DLG4: variants seen among roughly 807,000 people sequenced by gnomAD.
The protein encoded by DLG4 is discs large MAGUK scaffold protein 4, also known as disks large homolog 4.
Under a neutral mutation model 93.8 loss-of-function variants are expected in DLG4, and 7 were observed. That is an observed-to-expected ratio of 0.07 (90% CI 0.04 to 0.14). The LOEUF is 0.14. Ranked by LOEUF, DLG4 falls within the 10% of genes least tolerant of loss-of-function variation. The pLI is 1.00. For missense variants in DLG4, 545 were observed against 992.9 expected, an observed-to-expected ratio of 0.55 and a Z score of 6.06; for synonymous variants, 341 against 387.6, an observed-to-expected ratio of 0.88 and a Z score of 1.41.
In DLG4 at chr17:7,203,166, A is replaced by G; in HGVS notation, c.642+27T>C. ...AGTAGGTGAGACCCAAATCTGGGCT[A>G]GAAAATGGGCTAGATGGAGTCCTCA... On this transcript the variant is annotated intron_variant, in intron 7 of 19. Coordinates refer to ENST00000399506, the MANE Select transcript of DLG4 (RefSeq NM_001321075.3). The surrounding 1 kb of genome is among the most constrained non-coding windows in gnomAD (Gnocchi z 7.2). 1 of 1,576,664 alleles carries G rather than the reference A, an allele frequency of 6.3e-7. No individual in the cohort carries two copies. Among genetic ancestry groups the G allele is most frequent in the Non-Finnish European group, 8.7e-7 (1 of 1,153,698 alleles).
rs1002775253 is a variant in DLG4 at position 7,204,951 on chromosome 17, G to A, written c.97-699C>T. 10 of 985,618 alleles carry A rather than the reference G, an allele frequency of 1.0e-5. No homozygotes were observed. The African/African-American group carries it at 1.7e-4, about 17-fold the overall frequency. The allele number at this position is 985,618 out of a possible 1,614,324, so 61.1% of individuals were successfully genotyped here. ...CAAGACCCGGGGAGACCCACCTCCA[G>A]GAGGCCCTGTCGTCAGGACAACAGG... On this transcript the variant is annotated intron_variant, in intron 2 of 19. Transcript: ENST00000399506.
Position 7,193,897 on chromosome 17 carries a change from G to A in DLG4, c.1516-26C>T, listed in dbSNP as rs1002079787. On this transcript the variant is annotated intron_variant, in intron 13 of 19. Transcript: ENST00000399506. The surrounding 1 kb of genome is among the most constrained non-coding windows in gnomAD (Gnocchi z 6.7). Reference sequence around the variant, plus strand: ...CTAAGAAGAAAAAGCAGGCCACGGGGTTAGTTATGAGCTCAGCTCCATGAG... The same window carrying A: ...CTAAGAAGAAAAAGCAGGCCACGGGATTAGTTATGAGCTCAGCTCCATGAG... 1 of 1,612,646 alleles carries A rather than the reference G, an allele frequency of 6.2e-7. No individual in the cohort carries two copies. Among genetic ancestry groups the A allele is most frequent in the African/African-American group, 1.3e-5 (1 of 74,880 alleles).
chr17:7,191,448 T>A lies in DLG4; in HGVS notation c.1977-90A>T. The A allele has an allele frequency of 9.7e-7, 1 of 1,032,074 alleles. No individual in the cohort carries two copies. The highest frequency in any genetic ancestry group is 1.5e-6 in the Non-Finnish European group (1 of 672,528). The allele number at this position is 1,032,074 out of a possible 1,614,324, so 63.9% of individuals were successfully genotyped here. A position where few individuals can be genotyped will look rare whatever the true frequency, so the allele number is the denominator to read the frequency against. ...TATCCAGGAATGTTAAGTATTCTTC[T>A]ATTTGGAGCACATAGCAAAAAAAAA... On this transcript the variant is annotated intron_variant, in intron 18 of 19. Transcript: ENST00000399506. The surrounding 1 kb of genome is among the most constrained non-coding windows in gnomAD (Gnocchi z 6.6).
chr17:7,196,731 G>A lies in DLG4; in HGVS notation c.1083+26C>T, dbSNP rs748276745. 3 of 1,587,820 alleles carry A rather than the reference G, an allele frequency of 1.9e-6. No individual in the cohort carries two copies. The highest frequency in any genetic ancestry group is 1.8e-5 in the Admixed American group (1 of 56,466). ...CTCTGCCCTGTGGGGAGGGGGTGGTGCAGGTAGGGGCAGGCCTTCCCTCAC... is the reference window on the plus strand; with the variant it reads ...CTCTGCCCTGTGGGGAGGGGGTGGTACAGGTAGGGGCAGGCCTTCCCTCAC... On this transcript the variant is annotated intron_variant, in intron 9 of 19. Coordinates refer to ENST00000399506, the MANE Select transcript of DLG4 (RefSeq NM_001321075.3). The surrounding 1 kb of genome is among the most constrained non-coding windows in gnomAD (Gnocchi z 8.3).
At chr17:7,214,625 C>A (rs2070832949) in intron 1 of DLG4, among the ~76,000 whole-genome samples, 1 of 152,334 alleles carries the variant, frequency 6.6e-6, no homozygotes, top group South Asian at 2.1e-4. Context: ...GTCTTTCCCC[C>A]ACTGTATCCC....
chr17:7,193,596 G>A lies in DLG4; in HGVS notation c.1592-12C>T. 1 of 1,524,552 alleles carries A rather than the reference G, an allele frequency of 6.6e-7. No homozygotes were observed. Among genetic ancestry groups the A allele is most frequent in the Non-Finnish European group, 8.8e-7 (1 of 1,138,726 alleles). 94.4% of individuals were successfully genotyped at this position (1,524,552 alleles called of 1,614,324 possible). ...GCGAGCATAGTGCACTGCAGAGAGA[G>A]CCTGGCTTAGGCCGAGCGCAGGGTT... On this transcript the variant is annotated splice_polypyrimidine_tract_variant and intron_variant, in intron 15 of 19. Coordinates refer to ENST00000399506, the MANE Select transcript of DLG4 (RefSeq NM_001321075.3). The surrounding 1 kb of genome is among the most constrained non-coding windows in gnomAD (Gnocchi z 6.7).
chr17:7,210,098 TGA>T (rs2070650423), intron 1 of DLG4, among the ~76,000 whole-genome samples: 1 of 152,260 alleles, frequency 6.6e-6, no homozygotes, highest in South Asian at 2.1e-4. Flanking sequence ...TCTGAGAGGC[TGA>T]GAGTGCCCTA....
At position 7,217,143 on chromosome 17, in the gene DLG4, T is replaced by C; in HGVS notation, c.5A>G (p.Asp2Gly). 1 of 1,298,280 alleles carries C rather than the reference T, an allele frequency of 7.7e-7. No homozygotes were observed. Among genetic ancestry groups the C allele is most frequent in the Non-Finnish European group, 9.8e-7 (1 of 1,020,404 alleles). 80.4% of individuals were successfully genotyped at this position (1,298,280 alleles called of 1,614,324 possible). Residue 2 changes from aspartate (D) to glycine (G), a missense_variant, in exon 1 of 20, where the codon GAC (aspartate) becomes GGC (glycine). This residue lies in a region of DLG4 where 49 missense variants were observed against 80.4 expected (regional missense o/e 0.61). Transcript: ENST00000399506. The part of the protein sequence containing the change: M[D>G]CLCIVTTKKY... The stretch of plus-strand genomic sequence containing the variant: ...CTTGGTTGTCACTATACAGAGACAG[T>C]CCATGTTGGGGGGCCTGGCCGCGGC...
In DLG4 at chr17:7,189,485, T is replaced by C. The variant is rs1325156967; in HGVS notation, c.*1223A>G. 6.6e-6 allele frequency among the ~76,000 whole-genome samples: 1 copy of C among 150,688 alleles called. No individual in the cohort carries two copies. The highest frequency in any genetic ancestry group is 1.5e-5 in the Non-Finnish European group (1 of 67,750). ...GCCTGTGCGACAGAGCAAGACTCTG[T>C]CTCAAAAAAAAAAACAAAAAAACAA... On this transcript the variant is annotated 3_prime_UTR_variant, in exon 20 of 20. Coordinates refer to ENST00000399506, the MANE Select transcript of DLG4 (RefSeq NM_001321075.3).
chr17:7,196,247 C>T lies in DLG4; in HGVS notation c.1274G>A (p.Ser425Asn). The T allele has an allele frequency of 1.2e-6, 2 of 1,613,984 alleles. No homozygotes were observed. The highest frequency in any genetic ancestry group is 1.7e-6 in the Non-Finnish European group (2 of 1,179,862). ...GATGTAGAAACCCCTTTTGGGGTTGCTCCGCAGGGACGCAGTCCCTGAGCC... is the reference window on the plus strand; with the variant it reads ...GATGTAGAAACCCCTTTTGGGGTTGTTCCGCAGGGACGCAGTCCCTGAGCC... Reference protein sequence around the residue: ...SLGSGTASLRSNPKRGFYIRA... With the variant: ...SLGSGTASLRNNPKRGFYIRA... The change falls in exon 11 of 20, where the codon AGC (serine) becomes AAC (asparagine). Residue 425 changes from serine to asparagine, a missense_variant. By Grantham distance (46) the Ser-to-Asn change is conservative. Around this residue, in one of 5 missense-constraint regions of DLG4, gnomAD observed 428 missense variants for 741.4 expected, o/e 0.58. Transcript: ENST00000399506. This position sits in a 1 kb window ranked among gnomAD's most constrained non-coding sequence, Gnocchi z 8.3.
chr17:7,193,062 C>A lies in DLG4; in HGVS notation c.1749G>T (p.Val583=). ...CCTTCTCCATTTTCTCCCGGGACGA[C>A]ACAAAGTGGTAATCCCGGCCATCTA... ...YEIDGRDYHF[V]SSREKMEKDI... is the part of the protein sequence containing the mutation. Residue 583 remains valine (V), a synonymous_variant, in exon 17 of 20, where the codon GTG becomes GTT. Coordinates refer to ENST00000399506, the MANE Select transcript of DLG4 (RefSeq NM_001321075.3). The surrounding 1 kb of genome is among the most constrained non-coding windows in gnomAD (Gnocchi z 6.7). The A allele has an allele frequency of 6.2e-7, 1 of 1,613,802 alleles. No homozygotes were observed.
Position 7,191,515 on chromosome 17 carries a change from A to C in DLG4, c.1977-157T>G, listed in dbSNP as rs1597437440. On this transcript the variant is annotated intron_variant, in intron 18 of 19. Transcript: ENST00000399506. This position sits in a 1 kb window ranked among gnomAD's most constrained non-coding sequence, Gnocchi z 6.6. Reference sequence around the variant, plus strand: ...TCCTCTGGGGCCACAGATGAGAACCACCCCCCACCCCCCTGCCACCCGCAA... The same window carrying C: ...TCCTCTGGGGCCACAGATGAGAACCCCCCCCCACCCCCCTGCCACCCGCAA... 6 of 651,222 alleles carry C rather than the reference A, an allele frequency of 9.2e-6. No individual in the cohort carries two copies. Among genetic ancestry groups the C allele is most frequent in the Non-Finnish European group, 1.1e-5 (4 of 380,632 alleles). The allele number at this position is 651,222 out of a possible 1,614,324, so 40.3% of individuals were successfully genotyped here.
rs1029670917 is a variant in DLG4 at position 7,191,155 on chromosome 17, G to C, written c.2068+112C>G. ...GATTACAGGCGTGAGCCACCATGCC[G>C]CGCCCACAGGGGCACCTCTTTCTAA... On this transcript the variant is annotated intron_variant, in intron 19 of 19. Transcript: ENST00000399506. The surrounding 1 kb of genome is among the most constrained non-coding windows in gnomAD (Gnocchi z 6.6). 1 of 969,156 alleles carries C rather than the reference G, an allele frequency of 1.0e-6. No homozygotes were observed. Among genetic ancestry groups the C allele is most frequent in the African/African-American group, 1.7e-5 (1 of 60,176 alleles). 60.0% of individuals were successfully genotyped at this position (969,156 alleles called of 1,614,324 possible).
At position 7,187,807 on chromosome 17, in the gene DLG4, G is replaced by A. The variant is rs563791035; in HGVS notation, c.*2901C>T. Reference sequence around the variant, plus strand: ...ATCAGGGCCAGGTGCAGTGGCTCACGCCTGTAATCCCAGCACTTTGGGAGG... The same window carrying A: ...ATCAGGGCCAGGTGCAGTGGCTCACACCTGTAATCCCAGCACTTTGGGAGG... On this transcript the variant is annotated 3_prime_UTR_variant, in exon 20 of 20. Coordinates refer to ENST00000399506, the MANE Select transcript of DLG4 (RefSeq NM_001321075.3). Among the ~76,000 whole-genome samples the A allele has an allele frequency of 1.3e-5, 2 of 152,156 alleles. No homozygotes were observed. The highest frequency in any genetic ancestry group is 2.1e-4 in the South Asian group (1 of 4,822).
chr17:7,203,370 G>C lies in DLG4; in HGVS notation c.506-41C>G. On this transcript the variant is annotated intron_variant, in intron 6 of 19. Transcript: ENST00000399506. The surrounding 1 kb of genome is among the most constrained non-coding windows in gnomAD (Gnocchi z 7.2). ...GCCAGAGGTGGGTGCCCAGGAAGCA[G>C]GCTTGGGGGCACAGGACAGTTGGGA... The C allele has an allele frequency of 6.3e-7, 1 of 1,592,736 alleles. No homozygotes were observed. The highest frequency in any genetic ancestry group is 8.6e-7 in the Non-Finnish European group (1 of 1,163,356).
chr17:7,193,854 A>G lies in DLG4; in HGVS notation c.1533T>C (p.Ser511=), dbSNP rs767003847. Residue 511 remains serine (S), a synonymous_variant, in exon 14 of 20, where the codon TCT becomes TCC. Transcript: ENST00000399506. This position sits in a 1 kb window ranked among gnomAD's most constrained non-coding sequence, Gnocchi z 6.7. ...ACTAACCCTACCTACCCTGCGATCC[A>G]GAGCTGGAGCCCCAGTCCTAAGAAG... ...RLKAKDWGSS[S]GSQGREDSVL... The G allele has an allele frequency of 6.8e-6, 11 of 1,612,990 alleles. No homozygotes were observed. The South Asian group carries it at 8.8e-5, about 13-fold the overall frequency.
At chr17:7,204,806 G>A in intron 2 of DLG4, 1 of 319,786 alleles carries the variant, frequency 3.1e-6, no homozygotes, top group Non-Finnish European at 4.4e-6. Context: ...CCTAAACCCT[G>A]CACCCCGGGA....
chr17:7,217,576 C>T lies in DLG4; in HGVS notation c.-429G>A, dbSNP rs1393358632. 20 of 1,323,084 alleles carry T rather than the reference C, an allele frequency of 1.5e-5. No individual in the cohort carries two copies. The highest frequency in any genetic ancestry group is 1.3e-4 in the East Asian group (4 of 31,570). The allele number at this position is 1,323,084 out of a possible 1,614,324, so 82.0% of individuals were successfully genotyped here. A position where few individuals can be genotyped will look rare whatever the true frequency, so the allele number is the denominator to read the frequency against. On this transcript the variant is annotated 5_prime_UTR_variant, in exon 1 of 20. Coordinates refer to ENST00000399506, the MANE Select transcript of DLG4 (RefSeq NM_001321075.3). ...GGGAGTGGGGTGGGGGGGTTGGAAA[C>T]GGCAGCGGCCGAGGGAGCCGTGGAG...
chr17:7,204,451 A>C, intron 2 of DLG4, 199 bp from the exon 3 acceptor site: 1 of 561,486 alleles, frequency 1.8e-6, no homozygotes, highest in Admixed American at 3.4e-5. Flanking sequence ...GCGCACACAC[A>C]CGCACAGATG....
Sources: gnomAD v4.1 joint callset for allele counts (sites outside exome capture counted in the v4.1 genomes callset) on GRCh38, gnomAD v4.1.1 for gene constraint, gnomAD v4.1.1 regional missense constraint, Gnocchi (gnomAD v3.1) non-coding constraint, MANE v1.5 for transcripts, NCBI Gene and HGNC (gene_info 2026-07-23, HGNC 2026-07-21) for gene names.